Variants in STK25 observed in about 807,000 individuals in gnomAD.
STK25 encodes the protein serine/threonine-protein kinase 25.
In STK25, 29 loss-of-function variants were observed where a neutral mutation model predicts 53.8. The ratio of observed to expected loss-of-function variants is 0.54; its 90% confidence interval spans 0.40 to 0.74. The LOEUF is 0.74. Ranked by LOEUF, STK25 falls within the 30% of genes least tolerant of loss-of-function variation. The pLI, the probability that STK25 is intolerant of heterozygous loss-of-function variation, is 0.00. For synonymous variants in STK25, 247 were observed against 238.3 expected (o/e 1.04, Z -0.33); for missense variants, 420 against 568.0 (o/e 0.74, Z 2.65).
In STK25 at chr2:241,493,889, A is replaced by T. The variant is rs1461828285; in HGVS notation, c.*1773T>A. On this transcript the variant is annotated 3_prime_UTR_variant, in exon 12 of 12. Transcript: ENST00000316586. ...TGGGATTATAGGCATGAGCCACCGC[A>T]CCCGGCCCCAGGTTTTTAACCCTTC... 1.6e-6 allele frequency: 1 copy of T among 609,010 alleles called. No individual in the cohort carries two copies. Among genetic ancestry groups the T allele is most frequent in the South Asian group, 3.9e-5 (1 of 25,514 alleles). 37.7% of individuals were successfully genotyped at this position (609,010 alleles called of 1,614,324 possible).
chr2:241,499,404 C>T lies in STK25; in HGVS notation c.438G>A (p.Val146=), dbSNP rs1397383823. ...KIHRDIKAAN[V]LLSEQGDVKL... is the part of the protein sequence containing the mutation. ...TCACGTCACCCTGCTCCGAGAGTAG[C>T]ACGTTGGCAGCTGCTTGACACAGGA... Residue 146 remains valine (V), a synonymous_variant, in exon 6 of 12, where the codon GTG becomes GTA. Transcript: ENST00000316586. 1.2e-6 allele frequency: 2 copies of T among 1,613,592 alleles called. No individual in the cohort carries two copies. Among genetic ancestry groups the T allele is most frequent in the African/African-American group, 2.7e-5 (2 of 74,910 alleles).
Position 241,496,330 on chromosome 2 carries a change from G to T in STK25, c.1241+68C>A. The T allele has an allele frequency of 1.9e-6, 3 of 1,567,982 alleles. No homozygotes were observed. Among genetic ancestry groups the T allele is most frequent in the Non-Finnish European group, 8.7e-7 (1 of 1,151,318 alleles). ...CAGCCACACCCACGAGTGAGCACTG[G>T]ACCTCACCCCACGTCCAGCTTCTTG... On this transcript the variant is annotated intron_variant, in intron 11 of 11. Transcript: ENST00000316586. The surrounding 1 kb of genome is among the most constrained non-coding windows in gnomAD (Gnocchi z 5.8).
intron 2 of STK25, among the ~76,000 whole-genome samples, chr2:241,506,835 T>A (rs1409978448): frequency 6.6e-6 from 1 of 152,216 alleles, no homozygotes; most frequent in Non-Finnish European, 1.5e-5. Context: ...GTCATGTAAG[T>A]TACCAGATAC....
rs2065189178 is a variant in STK25, at chr2:241,496,756, T to C, written c.1105-222A>G. Among the ~76,000 whole-genome samples the C allele has an allele frequency of 6.6e-6, 1 of 151,228 alleles. No homozygotes were observed. Among genetic ancestry groups the C allele is most frequent in the African/African-American group, 2.4e-5 (1 of 41,090 alleles). The stretch of plus-strand genomic sequence containing the variant: ...TGGTCCTTCCCCACAGCACCTACCT[T>C]CCCCCTACACTCCGGGGAATCTCGG... On this transcript the variant is annotated intron_variant, in intron 10 of 11. Transcript: ENST00000316586. This position sits in a 1 kb window ranked among gnomAD's most constrained non-coding sequence, Gnocchi z 5.8.
chr2:241,500,597 G>A, intron 4 of STK25, 143 bp downstream of exon 4: 2 of 908,996 alleles, frequency 2.2e-6, no homozygotes, highest in South Asian at 1.5e-5. Flanking sequence ...GCAGATGGCA[G>A]TTCATTTTTG....
At chr2:241,507,955 G>A (rs2065946278) in intron 2 of STK25, 51 bp downstream of exon 2, 3 of 1,521,318 alleles carry the variant, frequency 2.0e-6, no homozygotes, top group Non-Finnish European at 2.7e-6. Context: ...AGGAGACTCT[G>A]GAGCCCCTCG....
Position 241,494,021 on chromosome 2 carries a change from ATCCAGGGGGCCAGCAGC to A in STK25, c.*1624_*1640del. 1 of 1,393,542 alleles carries A rather than the reference ATCCAGGGGGCCAGCAGC, an allele frequency of 7.2e-7. No homozygotes were observed. The highest frequency in any genetic ancestry group is 1.5e-5 in the African/African-American group (1 of 67,020). 86.3% of individuals were successfully genotyped at this position (1,393,542 alleles called of 1,614,324 possible). On this transcript the variant is annotated 3_prime_UTR_variant, in exon 12 of 12. Transcript: ENST00000316586. This position sits in a 1 kb window ranked among gnomAD's most constrained non-coding sequence, Gnocchi z 4.9. ...CCTCTCCTCCAGGTGGATGGAGGTG[ATCCAGGGGGCCAGCAGC>A]TCAGCCGGGAGGGCCCCAAGCATCG...
At chr2:241,504,070 GTGCCAGA>G (rs2065673234) in intron 2 of STK25, 1 of 471,084 alleles carries the variant, frequency 2.1e-6, no homozygotes, top group African/African-American at 2.0e-5. Context: ...CCCTTTTTGA[GTGCCAGA>G]CCTCGAGGTG....
intron 1 of STK25, 108 bp from the exon 2 acceptor site, chr2:241,508,243 G>A: frequency 7.7e-7 from 1 of 1,306,020 alleles, no homozygotes; most frequent in South Asian, 2.2e-5. Context: ...CCCCCAGGCC[G>A]CCGGGGCCCC....
Position 241,493,484 on chromosome 2 carries a change from C to T in STK25, c.*2178G>A, listed in dbSNP as rs779913006. The T allele has an allele frequency of 9.4e-6, 15 of 1,596,348 alleles. No homozygotes were observed. Among genetic ancestry groups the T allele is most frequent in the African/African-American group, 2.7e-5 (2 of 74,502 alleles). The stretch of plus-strand genomic sequence containing the variant: ...GGCAGCCCTGGTCAGCTGCCCATTT[C>T]GATGTCCGCTCAGCTCCCATTTCTA... On this transcript the variant is annotated 3_prime_UTR_variant, in exon 12 of 12. Coordinates refer to ENST00000316586, the MANE Select transcript of STK25 (RefSeq NM_001271977.2).
In STK25 at chr2:241,508,106, C is replaced by T; in HGVS notation, c.-71G>A. The T allele has an allele frequency of 6.5e-7, 1 of 1,543,754 alleles. No homozygotes were observed. On this transcript the variant is annotated 5_prime_UTR_variant, in exon 2 of 12. Coordinates refer to ENST00000316586, the MANE Select transcript of STK25 (RefSeq NM_001271977.2). ...TGGATCCCGCGGAGAGGCGCGGAGC[C>T]GGCTAGCTCGCCCCTGCGGCGTCAG...
At chr2:241,500,900 TCCCATCC>T in intron 3 of STK25, 104 bp from the exon 4 acceptor site, 5 of 1,138,752 alleles carry the variant, frequency 4.4e-6, no homozygotes. Flanking sequence ...GCCCCACCGG[TCCCATCC>T]CTGCCAAGAA....
intron 1 of STK25, 86 bp downstream of exon 1, chr2:241,508,357 T>C (rs965396609): frequency 5.2e-6 from 5 of 968,088 alleles, no homozygotes; most frequent in Non-Finnish European, 6.5e-6. Context: ...CCCGCCCCGG[T>C]GTCCCCGCCA....
chr2:241,501,226 C>T lies in STK25; in HGVS notation c.261+252G>A. The stretch of plus-strand genomic sequence containing the variant: ...CCCACTCACCACTGCCAGTAGGGGC[C>T]CCCCAGAGTGCTCCTAGCAGCGCCC... On this transcript the variant is annotated intron_variant, in intron 3 of 11. Transcript: ENST00000316586. This position sits in a 1 kb window ranked among gnomAD's most constrained non-coding sequence, Gnocchi z 5.3. The T allele has an allele frequency of 6.9e-6, 4 of 577,494 alleles. No individual in the cohort carries two copies. The highest frequency in any genetic ancestry group is 9.4e-6 in the Non-Finnish European group (3 of 320,374). The allele number at this position is 577,494 out of a possible 1,614,324, so 35.8% of individuals were successfully genotyped here.
chr2:241,500,973 A>G (rs2065473510), intron 3 of STK25, 177 bp from the exon 4 acceptor site: 1 of 618,340 alleles, frequency 1.6e-6, no homozygotes, highest in South Asian at 2.0e-5. Flanking sequence ...CTGCCACACT[A>G]CTGCTACAGA....
Position 241,494,025 on chromosome 2 carries a change from AG to A in STK25, c.*1636del. The A allele has an allele frequency of 7.9e-6, 11 of 1,396,172 alleles. No homozygotes were observed. Among genetic ancestry groups the A allele is most frequent in the Non-Finnish European group, 8.4e-6 (9 of 1,072,612 alleles). 86.5% of individuals were successfully genotyped at this position (1,396,172 alleles called of 1,614,324 possible). A position where few individuals can be genotyped will look rare whatever the true frequency, so the allele number is the denominator to read the frequency against. On this transcript the variant is annotated 3_prime_UTR_variant, in exon 12 of 12. Coordinates refer to ENST00000316586, the MANE Select transcript of STK25 (RefSeq NM_001271977.2). This position sits in a 1 kb window ranked among gnomAD's most constrained non-coding sequence, Gnocchi z 4.9. ...TCCTCCAGGTGGATGGAGGTGATCCAGGGGGCCAGCAGCTCAGCCGGGAGGG... is the reference window on the plus strand; with the variant it reads ...TCCTCCAGGTGGATGGAGGTGATCCAGGGGCCAGCAGCTCAGCCGGGAGGG...
At position 241,493,726 on chromosome 2, in the gene STK25, C is replaced by G. The variant is rs555560820; in HGVS notation, c.*1936G>C. On this transcript the variant is annotated 3_prime_UTR_variant, in exon 12 of 12. Coordinates refer to ENST00000316586, the MANE Select transcript of STK25 (RefSeq NM_001271977.2). Reference sequence around the variant, plus strand: ...TCTTCTGCCTCAGCCTCCTGAGTAACTGAGATTACAGGCATGCACGCCACG... The same window carrying G: ...TCTTCTGCCTCAGCCTCCTGAGTAAGTGAGATTACAGGCATGCACGCCACG... 1.9e-6 allele frequency: 1 copy of G among 516,248 alleles called. No individual in the cohort carries two copies. The highest frequency in any genetic ancestry group is 1.9e-5 in the African/African-American group (1 of 52,314). The allele number at this position is 516,248 out of a possible 1,614,324, so 32.0% of individuals were successfully genotyped here.
At chr2:241,509,210 TCAGTTTCCTTACCTGTCAAGGGGTGGTC>T (rs2066029930), upstream of STK25, 2 of 152,478 alleles carry the variant, frequency 1.3e-5, no homozygotes, top group South Asian at 2.1e-4. Context: ...CTCTCCTGCC[TCAGTTTCCTTACCTGTCAAGGGGTGGTC>T]ATAGGACGTC....
At position 241,497,675 on chromosome 2, in the gene STK25, C is replaced by T. The variant is rs780996627; in HGVS notation, c.1045G>A (p.Val349Ile). The T allele has an allele frequency of 2.9e-5, 46 of 1,613,312 alleles. No homozygotes were observed. Among genetic ancestry groups the T allele is most frequent in the South Asian group, 3.3e-5 (3 of 91,080 alleles). The change falls in exon 10 of 12, where the codon GTC becomes ATC. Residue 349 changes from valine (V) to isoleucine (I), a missense_variant. Transcript: ENST00000316586. ...LHSSQKPAEP[V>I]KRQPRSQCLS... ...CACTGGGACCTCGGCTGCCTCTTGA[C>T]GGGCTCCGCAGGCTGCAAAGGAGTG...
Sources: allele counts gnomAD v4.1 joint callset (sites outside exome capture counted in the v4.1 genomes callset), GRCh38; gene constraint gnomAD v4.1.1; non-coding constraint Gnocchi (gnomAD v3.1); transcripts MANE v1.5; gene names NCBI Gene and HGNC (gene_info 2026-07-23, HGNC 2026-07-21).